Variants in SLC25A26 observed in about 807,000 individuals in gnomAD.
SLC25A26 encodes mitochondrial S-adenosylmethionine carrier protein.
A neutral mutation model predicts 37.8 loss-of-function variants in SLC25A26; 36 were observed. The observed-to-expected ratio is 0.95, with a 90% CI of 0.73 to 1.26. SLC25A26 has a LOEUF of 1.26. Ranked by LOEUF, SLC25A26 falls within the 50% of genes most tolerant of loss-of-function variation. SLC25A26 has a pLI of 0.00. For missense variants in SLC25A26, 390 were observed against 331.1 expected (o/e 1.18, Z -1.38); for synonymous variants, 129 against 122.5 (o/e 1.05, Z -0.35).
At chr3:66,330,910 T>G (rs1259556478) in intron 5 of SLC25A26, among the ~76,000 whole-genome samples, 1 of 152,122 alleles carries the variant, frequency 6.6e-6, no homozygotes, top group East Asian at 1.9e-4. Flanking sequence ...AAGAACAGAA[T>G]CCATGGGAAA....
intron 6 of SLC25A26, among the ~76,000 whole-genome samples, chr3:66,355,347 A>G (rs568485547): frequency 6.6e-6 from 1 of 152,232 alleles, no homozygotes; most frequent in Non-Finnish European, 1.5e-5. Context: ...CAAGGTACAC[A>G]TCAACGCATA....
At chr3:66,134,646 C>T (rs1389578257) in intron 1 of SLC25A26, among the ~76,000 whole-genome samples, 3 of 152,066 alleles carry the variant, frequency 2.0e-5, no homozygotes, top group Admixed American at 6.6e-5. Context: ...ATTGAAATAG[C>T]GTTTAAGGAC....
intron 7 of SLC25A26, among the ~76,000 whole-genome samples, chr3:66,368,216 G>C (rs186550648): frequency 9.8e-5 from 15 of 152,304 alleles, no homozygotes; most frequent in African/African-American, 2.4e-5. Flanking sequence ...CGGGTGTCCT[G>C]TTGCCCTTAT....
chr3:66,227,293 T>C (rs1553661102), intron 1 of SLC25A26, among the ~76,000 whole-genome samples: 1 of 152,276 alleles, frequency 6.6e-6, no homozygotes, highest in African/African-American at 2.4e-5. Context: ...CTGTTTGTTC[T>C]CTAATACCAT....
intron 5 of SLC25A26, among the ~76,000 whole-genome samples, chr3:66,266,934 A>G (rs1002025322): frequency 3.3e-5 from 5 of 152,226 alleles, no homozygotes; most frequent in Non-Finnish European, 7.3e-5. Flanking sequence ...GGAAGAAAGC[A>G]GAGTAAAGCA....
chr3:66,255,123 G>A (rs968329182), intron 3 of SLC25A26, among the ~76,000 whole-genome samples: 11 of 152,126 alleles, frequency 7.2e-5, no homozygotes, highest in African/African-American at 2.7e-4. Flanking sequence ...TTAGTTTTAT[G>A]ATTTGTAGTC....
At chr3:66,364,646 CTG>C (rs1009419312) in intron 7 of SLC25A26, among the ~76,000 whole-genome samples, 22 of 152,166 alleles carry the variant, frequency 1.4e-4, no homozygotes, top group African/African-American at 5.3e-4. Flanking sequence ...GGTCAGTACT[CTG>C]TACTCTGCAA....
intron 3 of SLC25A26, among the ~76,000 whole-genome samples, chr3:66,249,569 A>G (rs1276175518): frequency 6.6e-6 from 1 of 152,222 alleles, no homozygotes; most frequent in Non-Finnish European, 1.5e-5. Flanking sequence ...GGCCTTTTCT[A>G]AGAAGAACCA....
At chr3:66,363,176 G>A (rs886271509) in intron 7 of SLC25A26, among the ~76,000 whole-genome samples, 4 of 151,854 alleles carry the variant, frequency 2.6e-5, no homozygotes, top group Middle Eastern at 3.4e-3. Context: ...CTTTATTAAA[G>A]CCTTCACTCA....
chr3:66,203,918 T>C (rs1461442255), intron 1 of SLC25A26, among the ~76,000 whole-genome samples: 2 of 152,168 alleles, frequency 1.3e-5, no homozygotes, highest in Non-Finnish European at 2.9e-5. Context: ...AGAATGAAAT[T>C]ATCTTTGTAT....
At chr3:66,333,338 A>G (rs183113078) in intron 5 of SLC25A26, among the ~76,000 whole-genome samples, 332 of 151,898 alleles carry the variant, frequency 2.2e-3, no homozygotes, top group Non-Finnish European at 4.0e-3. Flanking sequence ...CGTCATTTCT[A>G]TTTTGTTGCT....
chr3:66,200,468 A>C (rs1299022357), intron 1 of SLC25A26, among the ~76,000 whole-genome samples: 1 of 152,242 alleles, frequency 6.6e-6, no homozygotes, highest in East Asian at 1.9e-4. Context: ...CATGGCCATC[A>C]CAATGGATCC....
intron 1 of SLC25A26, among the ~76,000 whole-genome samples, chr3:66,135,782 A>G (rs912098210): frequency 2.6e-5 from 4 of 152,230 alleles, no homozygotes; most frequent in Non-Finnish European, 5.9e-5. Context: ...AAAAAAATAA[A>G]GTAAAAAGGT....
intron 1 of SLC25A26, among the ~76,000 whole-genome samples, chr3:66,170,357 A>G (rs143716059): frequency 0.012 from 1,842 of 152,280 alleles, 38 homozygotes; most frequent in East Asian, 0.073. Flanking sequence ...CAGAGTATGG[A>G]ATCAGATAGA....
chr3:66,174,821 A>T (rs1286616141), intron 1 of SLC25A26, among the ~76,000 whole-genome samples: 1 of 151,716 alleles, frequency 6.6e-6, no homozygotes, highest in Non-Finnish European at 1.5e-5. Flanking sequence ...AAGAAAAAAA[A>T]AATGCGCTAT....
At chr3:66,260,564 C>T (rs1263919002) in intron 3 of SLC25A26, among the ~76,000 whole-genome samples, 1 of 152,168 alleles carries the variant, frequency 6.6e-6, no homozygotes, top group Non-Finnish European at 1.5e-5. Context: ...ATTGTTACTT[C>T]TTAGCTTTAG....
intron 1 of SLC25A26, among the ~76,000 whole-genome samples, chr3:66,180,708 G>A (rs949037633): frequency 3.3e-5 from 5 of 152,096 alleles, no homozygotes; most frequent in African/African-American, 1.2e-4. Flanking sequence ...ATCCTTCACT[G>A]GGGGCGGGGT....
chr3:66,347,033 A>G (rs2076342442), intron 6 of SLC25A26, among the ~76,000 whole-genome samples: 19 of 152,088 alleles, frequency 1.2e-4, no homozygotes. Flanking sequence ...AAAAAACAAC[A>G]TGTTTTAACC....
At chr3:66,296,492 A>G (rs2074906595) in intron 5 of SLC25A26, among the ~76,000 whole-genome samples, 1 of 152,232 alleles carries the variant, frequency 6.6e-6, no homozygotes, top group East Asian at 1.9e-4. Flanking sequence ...ATTAATTGCT[A>G]AAATATATTG....
Sources: allele counts gnomAD v4.1 joint callset (sites outside exome capture counted in the v4.1 genomes callset), GRCh38; gene constraint gnomAD v4.1.1; transcripts MANE v1.5; gene names NCBI Gene and HGNC (gene_info 2026-07-23, HGNC 2026-07-21).